Variants in ZNF74 observed in about 807,000 individuals in gnomAD.
The protein encoded by ZNF74 is zinc finger protein 74.
In ZNF74, 12 loss-of-function variants were observed where a neutral mutation model predicts 17.7. The observed-to-expected ratio is 0.68, with a 90% CI of 0.43 to 1.10. The LOEUF (loss-of-function observed/expected upper bound fraction) is 1.10. ZNF74 is among the 50% of genes least tolerant of loss of function. The pLI is 0.00. For missense variants in ZNF74, 811 were observed against 881.0 expected (o/e 0.92, Z 1.01); for synonymous variants, 358 against 362.1 (o/e 0.99, Z 0.13).
rs202154799 is a variant in ZNF74 at position 20,405,763 on chromosome 22, G to T, written c.730G>T (p.Gly244Trp). ...QVRRQRGAGA[G>W]EGEFVCGECG... ...GCGCCGGCAGCGCGGGGCGGGCGCC[G>T]GGGAGGGCGAGTTCGTGTGCGGCGA... The change falls in exon 5 of 5, where the codon GGG (glycine) becomes TGG (tryptophan). Residue 244 changes from glycine to tryptophan, a missense_variant. Physicochemically the swap from Gly to Trp is radical, Grantham distance 184. This residue lies in a region of ZNF74 where 666 missense variants were observed against 702.3 expected (regional missense o/e 0.95). Coordinates refer to ENST00000400451, the MANE Select transcript of ZNF74 (RefSeq NM_003426.4). 6.2e-7 allele frequency: 1 copy of T among 1,606,750 alleles called. No individual in the cohort carries two copies.
At position 20,408,147 on chromosome 22, in the gene ZNF74, G is replaced by A. The variant is rs1601282956; in HGVS notation, c.*1179G>A. 1.3e-5 allele frequency: 2 copies of A among 152,214 alleles called. No individual in the cohort carries two copies. The highest frequency in any genetic ancestry group is 4.8e-5 in the African/African-American group (2 of 41,442). 9.4% of individuals were successfully genotyped at this position (152,214 alleles called of 1,614,324 possible). Reference sequence around the variant, plus strand: ...GAGAGGGGAAGCTGAAGCCCAGGGAGACGGGCTCCATGGTGGTCCCACATG... The same window carrying A: ...GAGAGGGGAAGCTGAAGCCCAGGGAAACGGGCTCCATGGTGGTCCCACATG... On this transcript the variant is annotated 3_prime_UTR_variant, in exon 5 of 5. Transcript: ENST00000400451.
At chr22:20,400,405 T>C in intron 2 of ZNF74, 1 of 542,088 alleles carries the variant, frequency 1.8e-6, no homozygotes, top group Non-Finnish European at 3.3e-6. Context: ...CAGACCTGCT[T>C]TCCCAATCTA....
chr22:20,399,107 A>G (rs371243808), intron 2 of ZNF74, among the ~76,000 whole-genome samples: 6 of 152,318 alleles, frequency 3.9e-5, no homozygotes, highest in African/African-American at 1.4e-4. Context: ...ATCTTGGTAA[A>G]TGTTCCACAT....
rs962732137 is a variant in ZNF74, at chr22:20,400,817, A to T, written c.247+59A>T. The T allele has an allele frequency of 5.1e-6, 8 of 1,579,314 alleles. No individual in the cohort carries two copies. The African/African-American group carries it at 1.1e-4, about 21-fold the overall frequency. On this transcript the variant is annotated intron_variant, in intron 3 of 4. Coordinates refer to ENST00000400451, the MANE Select transcript of ZNF74 (RefSeq NM_003426.4). ...CTGTCAGCCTTCTTCTACATGGTAG[A>T]TATTAAGGAGAATCCCTTCAGTGCC...
intron 2 of ZNF74, chr22:20,400,349 G>A (rs1419824038): frequency 4.7e-6 from 2 of 428,410 alleles, no homozygotes; most frequent in Admixed American, 7.3e-5. Context: ...GCCATGTACA[G>A]CCCCTGGGTC....
Position 20,405,694 on chromosome 22 carries a change from G to A in ZNF74, c.661G>A (p.Glu221Lys), listed in dbSNP as rs1464225083. 6.2e-7 allele frequency: 1 copy of A among 1,607,260 alleles called. No individual in the cohort carries two copies. Among genetic ancestry groups the A allele is most frequent in the Admixed American group, 1.7e-5 (1 of 58,888 alleles). The change falls in exon 5 of 5, where the codon GAA (glutamate) becomes AAA (lysine). Residue 221 changes from glutamate (E) to lysine (K), a missense_variant. Physicochemically the swap from Glu to Lys is moderately conservative, Grantham distance 56. This residue lies in a region of ZNF74 where 666 missense variants were observed against 702.3 expected (regional missense o/e 0.95). Coordinates refer to ENST00000400451, the MANE Select transcript of ZNF74 (RefSeq NM_003426.4). Reference sequence around the variant, plus strand: ...GGCCCCCGCGAGACTGTGTGCAGGGGAAAACGCCTCCACGCCAAGTGAGCC... The same window carrying A: ...GGCCCCCGCGAGACTGTGTGCAGGGAAAAACGCCTCCACGCCAAGTGAGCC... ...TKAPARLCAG[E>K]NASTPSEPEK...
At position 20,401,436 on chromosome 22, in the gene ZNF74, G is replaced by A. The variant is rs1376593888; in HGVS notation, c.343+64G>A. On this transcript the variant is annotated intron_variant, in intron 4 of 4. Coordinates refer to ENST00000400451, the MANE Select transcript of ZNF74 (RefSeq NM_003426.4). The surrounding 1 kb of genome is among the most constrained non-coding windows in gnomAD (Gnocchi z 4.2). Reference sequence around the variant, plus strand: ...ACCCCTGGTGGCACCTCCTCCTATGGCCCCTATTTTCCTCCCTCAGTTTGC... The same window carrying A: ...ACCCCTGGTGGCACCTCCTCCTATGACCCCTATTTTCCTCCCTCAGTTTGC... 2 of 1,103,204 alleles carry A rather than the reference G, an allele frequency of 1.8e-6. No homozygotes were observed. Among genetic ancestry groups the A allele is most frequent in the Non-Finnish European group, 2.7e-6 (2 of 749,136 alleles). The allele number at this position is 1,103,204 out of a possible 1,614,324, so 68.3% of individuals were successfully genotyped here.
intron 2 of ZNF74, among the ~76,000 whole-genome samples, chr22:20,398,056 C>T (rs746144057): frequency 1.3e-5 from 2 of 152,172 alleles, no homozygotes; most frequent in Non-Finnish European, 2.9e-5. Flanking sequence ...CAGTGGCTCA[C>T]GCCTGTAACC....
intron 2 of ZNF74, among the ~76,000 whole-genome samples, chr22:20,396,209 C>T (rs1414366088): frequency 6.6e-6 from 1 of 150,752 alleles, no homozygotes; most frequent in Non-Finnish European, 1.5e-5. Context: ...GTCTGCCACT[C>T]AAAAGAGGTG....
chr22:20,405,617 G>C lies in ZNF74; in HGVS notation c.584G>C (p.Gly195Ala). Residue 195 changes from glycine to alanine, a missense_variant, in exon 5 of 5, where the codon GGA (glycine) becomes GCA (alanine). By Grantham distance (60) the Gly-to-Ala change is moderately conservative (BLOSUM62 0). Coordinates refer to ENST00000400451, the MANE Select transcript of ZNF74 (RefSeq NM_003426.4). ...GCCCAGCAACGCGTTCCCGAGGGGGGACCCTTGCTGGACACACGCAAGAAC... is the reference window on the plus strand; with the variant it reads ...GCCCAGCAACGCGTTCCCGAGGGGGCACCCTTGCTGGACACACGCAAGAAC... Reference protein sequence around the residue: ...LFAQQRVPEGGPLLDTRKNVQ... With the variant: ...LFAQQRVPEGAPLLDTRKNVQ... The C allele has an allele frequency of 1.2e-6, 2 of 1,613,276 alleles. No homozygotes were observed. Among genetic ancestry groups the C allele is most frequent in the Non-Finnish European group, 1.7e-6 (2 of 1,179,634 alleles).
chr22:20,398,385 G>A (rs1017732293), intron 2 of ZNF74, among the ~76,000 whole-genome samples: 9 of 151,574 alleles, frequency 5.9e-5, no homozygotes, highest in Admixed American at 5.3e-4. Flanking sequence ...AATTTGAGGT[G>A]AGGGGTATAC....
rs2052411749 is a variant in ZNF74 at position 20,405,764 on chromosome 22, G to C, written c.731G>C (p.Gly244Ala). The change falls in exon 5 of 5, where the codon GGG becomes GCG. Residue 244 changes from glycine to alanine, a missense_variant. By Grantham distance (60) the Gly-to-Ala change is moderately conservative. Transcript: ENST00000400451. ...QVRRQRGAGA[G>A]EGEFVCGECG... ...CGCCGGCAGCGCGGGGCGGGCGCCG[G>C]GGAGGGCGAGTTCGTGTGCGGCGAG... is the stretch of plus-strand genomic sequence containing the variant. 6.2e-7 allele frequency: 1 copy of C among 1,607,506 alleles called. No homozygotes were observed. Among genetic ancestry groups the C allele is most frequent in the Admixed American group, 1.7e-5 (1 of 59,098 alleles).
chr22:20,394,830 C>T (rs1443254102), intron 1 of ZNF74, 168 bp downstream of exon 1: 4 of 631,632 alleles, frequency 6.3e-6, no homozygotes, highest in East Asian at 2.9e-5. Flanking sequence ...GCTTGATCTC[C>T]GCTCACTGCA....
At chr22:20,394,977 T>C in intron 1 of ZNF74, 2 of 453,786 alleles carry the variant, frequency 4.4e-6, no homozygotes, top group South Asian at 5.7e-5. Context: ...CCCAGGCTGG[T>C]CTTAAGCTCA....
Position 20,406,095 on chromosome 22 carries a change from C to A in ZNF74, c.1062C>A (p.His354Gln). The part of the protein sequence containing the change: ...SSLLSMHLRV[H>Q]TGEKPYRCGE... ...TGCTCAGCATGCACCTGCGGGTGCA[C>A]ACCGGCGAGAAGCCCTACCGGTGCG... is the stretch of plus-strand genomic sequence containing the variant. Residue 354 changes from histidine (H) to glutamine (Q), a missense_variant, in exon 5 of 5, where the codon CAC becomes CAA. Transcript: ENST00000400451. 1 of 1,613,454 alleles carries A rather than the reference C, an allele frequency of 6.2e-7. No homozygotes were observed. The highest frequency in any genetic ancestry group is 1.1e-5 in the South Asian group (1 of 91,036).
At chr22:20,395,726 G>A (rs941864588) in intron 2 of ZNF74, among the ~76,000 whole-genome samples, 20 of 152,180 alleles carry the variant, frequency 1.3e-4, no homozygotes, top group Admixed American at 1.3e-3. Context: ...AGTAGTTGAC[G>A]GCTCACATGG....
rs1299488744 is a variant in ZNF74 at position 20,407,679 on chromosome 22, G to T, written c.*711G>T. ...AATAATAAAACAAGAATTATGACTA[G>T]CATCACTTTCCAGTGAACATTATTA... On this transcript the variant is annotated 3_prime_UTR_variant, in exon 5 of 5. Transcript: ENST00000400451. The T allele has an allele frequency of 6.6e-6, 1 of 152,204 alleles. No homozygotes were observed. Among genetic ancestry groups the T allele is most frequent in the African/African-American group, 2.4e-5 (1 of 41,452 alleles). 9.4% of individuals were successfully genotyped at this position (152,204 alleles called of 1,614,324 possible). A position where few individuals can be genotyped will look rare whatever the true frequency, so the allele number is the denominator to read the frequency against.
Position 20,395,436 on chromosome 22 carries a change from C to A in ZNF74, c.120+18C>A. 2 of 1,581,084 alleles carry A rather than the reference C, an allele frequency of 1.3e-6. No individual in the cohort carries two copies. The highest frequency in any genetic ancestry group is 1.7e-6 in the Non-Finnish European group (2 of 1,153,528). ...GGTCCAAGGTGAGTGGCTGTGTGTT[C>A]TTCCTTCTTTATGAAGAGGGTTGGC... On this transcript the variant is annotated intron_variant, in intron 2 of 4. Transcript: ENST00000400451.
rs1259921560 is a variant in ZNF74 at position 20,400,712 on chromosome 22, G to A, written c.201G>A (p.Leu67=). The change falls in exon 3 of 5, where the codon TTG becomes TTA. Residue 67 remains leucine (L), a synonymous_variant. Transcript: ENST00000400451. ...AACTAGACTCCCCTCAGAGGGCCTT[G>A]TACCGGGATGTGATGTTGGAGAACT... is the stretch of plus-strand genomic sequence containing the variant. The part of the protein sequence containing the change: ...WGQLDSPQRA[L]YRDVMLENYQ... 3.7e-6 allele frequency: 6 copies of A among 1,614,040 alleles called. No individual in the cohort carries two copies. The African/African-American group carries it at 6.7e-5, about 18-fold the overall frequency.
Sources: allele counts gnomAD v4.1 joint callset (sites outside exome capture counted in the v4.1 genomes callset), GRCh38; gene constraint gnomAD v4.1.1; regional missense constraint gnomAD v4.1.1; non-coding constraint Gnocchi (gnomAD v3.1); transcripts MANE v1.5; gene names NCBI Gene and HGNC (gene_info 2026-07-23, HGNC 2026-07-21).